XKR9: variants seen among roughly 807,000 people sequenced by gnomAD.
XKR9 encodes XK-related protein 9.
XKR9 carries 32 observed loss-of-function variants against 32.0 expected under a neutral mutation model. The ratio of observed to expected loss-of-function variants is 1.00; its 90% CI spans 0.76 to 1.34. XKR9 has a LOEUF of 1.34. Among genes scored for constraint, XKR9 ranks in the 40% most tolerant of loss-of-function variants. XKR9 has a pLI of 0.00. For missense variants in XKR9, 546 were observed against 429.7 expected (o/e 1.27, Z -2.39); for synonymous variants, 168 against 143.4 (o/e 1.17, Z -1.22).
chr8:70,779,549 C>T (rs948951382), intron 2 of XKR9, among the ~76,000 whole-genome samples: 11 of 151,998 alleles, frequency 7.2e-5, no homozygotes, highest in African/African-American at 2.7e-4. Flanking sequence ...CTCTTTGTAC[C>T]TCTGGTAGAA....
At chr8:70,687,357 TCTCTCTTTC>T in intron 3 of XKR9, among the ~76,000 whole-genome samples, 1 of 149,378 alleles carries the variant, frequency 6.7e-6, no homozygotes, top group South Asian at 2.2e-4. Flanking sequence ...TTTCTTTCTT[TCTCTCTTTC>T]CTTTCTTTCT....
At chr8:70,857,029 C>A in the XKR9 span, among the ~76,000 whole-genome samples, 32 of 152,086 alleles carry the variant, frequency 2.1e-4, no homozygotes, top group African/African-American at 7.7e-4. Flanking sequence ...CAGGAAAGAT[C>A]TAAAATTAAT....
the XKR9 span, among the ~76,000 whole-genome samples, chr8:71,046,276 A>G: frequency 6.6e-6 from 1 of 152,216 alleles, no homozygotes. Flanking sequence ...TCTTCCCAAC[A>G]GCCGATATGA....
intron 2 of XKR9, among the ~76,000 whole-genome samples, chr8:70,745,187 G>C (rs1387698085): frequency 7.6e-6 from 1 of 131,122 alleles, no homozygotes; most frequent in Non-Finnish European, 1.8e-5. Flanking sequence ...ATCCTGGTCA[G>C]ATGTTTTGGC....
At chr8:70,724,292 A>C (rs1372908966) in intron 4 of XKR9, among the ~76,000 whole-genome samples, 1 of 152,140 alleles carries the variant, frequency 6.6e-6, no homozygotes, top group Non-Finnish European at 1.5e-5. Flanking sequence ...GAGAATTTCA[A>C]GTCAGTGGTT....
chr8:70,675,985 T>C (rs1818872630), intron 2 of XKR9, among the ~76,000 whole-genome samples: 2 of 152,218 alleles, frequency 1.3e-5, no homozygotes, highest in Non-Finnish European at 1.5e-5. Flanking sequence ...TGTTAGGCCA[T>C]TCTTGCATTG....
chr8:70,716,837 G>A (rs527665372), intron 4 of XKR9, among the ~76,000 whole-genome samples: 5 of 152,288 alleles, frequency 3.3e-5, no homozygotes, highest in Middle Eastern at 3.4e-3. Context: ...TCTCATCTGA[G>A]ACGAGGCAAG....
At chr8:70,961,453 G>A in the XKR9 span, among the ~76,000 whole-genome samples, 3 of 152,198 alleles carry the variant, frequency 2.0e-5, no homozygotes, top group East Asian at 1.9e-4. Flanking sequence ...TATTCAAGAC[G>A]GGGAAATGGG....
chr8:70,874,777 C>G, the XKR9 span, among the ~76,000 whole-genome samples: 2 of 152,150 alleles, frequency 1.3e-5, no homozygotes, highest in Non-Finnish European at 2.9e-5. Flanking sequence ...CTGCTATTCT[C>G]TTTATTGGCT....
chr8:70,914,042 A>G, the XKR9 span, among the ~76,000 whole-genome samples: 1 of 152,166 alleles, frequency 6.6e-6, no homozygotes, highest in South Asian at 2.1e-4. Context: ...AACATTTAAA[A>G]ATATATTTTG....
intron 1 of XKR9, 28 bp from the exon 2 acceptor site, chr8:70,674,790 C>CA (rs1357567560): frequency 9.2e-5 from 14 of 152,276 alleles, no homozygotes; most frequent in African/African-American, 3.1e-4. Context: ...TAAAGGTTTA[C>CA]ACATCCTTTA....
At chr8:70,947,615 T>G in the XKR9 span, among the ~76,000 whole-genome samples, 1 of 152,222 alleles carries the variant, frequency 6.6e-6, no homozygotes, top group Non-Finnish European at 1.5e-5. Flanking sequence ...AGAAAATACA[T>G]ATTCCAACAA....
chr8:70,807,137 C>T, the XKR9 span, among the ~76,000 whole-genome samples: 3 of 152,120 alleles, frequency 2.0e-5, no homozygotes, highest in African/African-American at 4.8e-5. Flanking sequence ...AAAGAATTTT[C>T]AACCCAGAAT....
Position 70,680,893 on chromosome 8 carries a change from G to T in XKR9, c.-166G>T. 1 of 598,000 alleles carries T rather than the reference G, an allele frequency of 1.7e-6. No homozygotes were observed. The highest frequency in any genetic ancestry group is 2.7e-6 in the Non-Finnish European group (1 of 363,936). The allele number at this position is 598,000 out of a possible 1,614,324, so 37.0% of individuals were successfully genotyped here. ...GAAAGTCAAAATTAGTCACTTTAGT[G>T]TTAGTGTTCCCATTTCATAATATTT... On this transcript the variant is annotated 5_prime_UTR_variant, in exon 3 of 5. Transcript: ENST00000408926.
chr8:70,798,521 A>T, the XKR9 span, among the ~76,000 whole-genome samples: 8 of 152,100 alleles, frequency 5.3e-5, no homozygotes, highest in Non-Finnish European at 7.4e-5. Context: ...CTGTGTTGGC[A>T]ATTTCTTTTG....
the XKR9 span, among the ~76,000 whole-genome samples, chr8:71,045,293 G>A: frequency 1.8e-3 from 277 of 152,288 alleles, 1 homozygote; most frequent in African/African-American, 6.6e-3. Flanking sequence ...GGAGCTATTT[G>A]AAAGAAGTCC....
In XKR9 at chr8:70,734,366, A is replaced by G. The variant is rs903799152; in HGVS notation, c.1064A>G (p.Glu355Gly). 1.7e-5 allele frequency: 27 copies of G among 1,610,000 alleles called. No homozygotes were observed. The highest frequency in any genetic ancestry group is 2.0e-5 in the Non-Finnish European group (23 of 1,179,370). The part of the protein sequence containing the change: ...PNRSAETKCD[E>G]IDGKPVLREC... ...AGAAGTGCAGAAACAAAATGTGATG[A>G]AATTGATGGAAAACCAGTTCTAAGA... Residue 355 changes from glutamate to glycine, a missense_variant, in exon 5 of 5, where the codon GAA (glutamate) becomes GGA (glycine). Coordinates refer to ENST00000408926, the MANE Select transcript of XKR9 (RefSeq NM_001011720.2).
At chr8:70,852,223 C>G in the XKR9 span, among the ~76,000 whole-genome samples, 12 of 152,122 alleles carry the variant, frequency 7.9e-5, no homozygotes, top group Non-Finnish European at 1.3e-4. Flanking sequence ...CAAATCAAAA[C>G]CACAATGAGA....
the XKR9 span, among the ~76,000 whole-genome samples, chr8:70,996,801 T>C: frequency 6.6e-6 from 1 of 151,968 alleles, no homozygotes. Context: ...ATTATTTGAC[T>C]TTCCTCTCTG....
Sources: allele counts gnomAD v4.1 joint callset (sites outside exome capture counted in the v4.1 genomes callset), GRCh38; gene constraint gnomAD v4.1.1; transcripts MANE v1.5; gene names NCBI Gene and HGNC (gene_info 2026-07-23, HGNC 2026-07-21).